The following MCM8 variants were observed in gnomAD, a reference collection of about 807,000 sequenced individuals.
MCM8 encodes DNA helicase MCM8.
Under a neutral mutation model 98.9 loss-of-function variants are expected in MCM8, and 85 were observed. The ratio of observed to expected loss-of-function variants is 0.86; its 90% CI spans 0.72 to 1.03. The LOEUF (loss-of-function observed/expected upper bound fraction) is 1.03, where lower values mean the gene tolerates loss of function less well. Among genes scored for constraint, MCM8 ranks in the 50% least tolerant of loss-of-function variants. The probability of loss-of-function intolerance (pLI) is 0.00; values close to 1 mark genes in which losing one functional copy is unlikely to be tolerated. For synonymous variants in MCM8, 352 were observed against 338.6 expected, an observed-to-expected ratio of 1.04 and a Z score of -0.44; for missense variants, 951 against 997.8, an observed-to-expected ratio of 0.95 and a Z score of 0.63.
intron 12 of MCM8, among the ~76,000 whole-genome samples, chr20:5,977,532 G>A (rs536752486): frequency 6.6e-6 from 1 of 152,316 alleles, no homozygotes; most frequent in African/African-American, 2.4e-5. Context: ...ATTAAAATTG[G>A]TACTCATGTT....
chr20:5,974,987 A>G (rs1600279833), intron 12 of MCM8, among the ~76,000 whole-genome samples: 1 of 152,202 alleles, frequency 6.6e-6, no homozygotes, highest in African/African-American at 2.4e-5. Flanking sequence ...ATCTGGGTGC[A>G]GTGGCTTACG....
chr20:5,951,766 G>A (rs776962457), intron 1 of MCM8, among the ~76,000 whole-genome samples: 8 of 152,140 alleles, frequency 5.3e-5, no homozygotes, highest in South Asian at 4.1e-4. Context: ...ACCTGTGAGC[G>A]TCTAGTATAC....
intron 9 of MCM8, 116 bp from the exon 10 acceptor site, chr20:5,967,714 C>A: frequency 7.4e-7 from 1 of 1,359,592 alleles, no homozygotes; most frequent in Non-Finnish European, 1.0e-6. Context: ...ATGAAACATT[C>A]CCTTTTAAAA....
intron 7 of MCM8, among the ~76,000 whole-genome samples, chr20:5,960,045 C>G (rs2122681335): frequency 6.6e-6 from 1 of 152,238 alleles, no homozygotes; most frequent in African/African-American, 2.4e-5. Context: ...CAACTTAAAT[C>G]TTTGCTGGTA....
intron 7 of MCM8, among the ~76,000 whole-genome samples, 150 bp from the exon 8 acceptor site, chr20:5,963,120 TAGAA>T (rs1335886926): frequency 6.6e-6 from 1 of 152,198 alleles, no homozygotes; most frequent in East Asian, 1.9e-4. Flanking sequence ...CAGGAGGAAA[TAGAA>T]AGTCATTAAT....
At chr20:5,961,382 C>T (rs1321772670) in intron 7 of MCM8, among the ~76,000 whole-genome samples, 2 of 152,116 alleles carry the variant, frequency 1.3e-5, no homozygotes, top group Non-Finnish European at 2.9e-5. Context: ...AATTTTTGCT[C>T]ATGTGAAGGG....
intron 5 of MCM8, 28 bp downstream of exon 5, chr20:5,955,279 G>A: frequency 6.3e-7 from 1 of 1,599,184 alleles, no homozygotes; most frequent in Non-Finnish European, 8.5e-7. Flanking sequence ...GCATACTTTT[G>A]TCTAAACTTT....
At chr20:5,961,006 A>G (rs2089129551) in intron 7 of MCM8, among the ~76,000 whole-genome samples, 1 of 152,234 alleles carries the variant, frequency 6.6e-6, no homozygotes, top group Admixed American at 6.5e-5. Context: ...CATTGCTTCT[A>G]AGAATCCTAA....
At chr20:5,954,283 T>G (rs2088912810) in intron 3 of MCM8, among the ~76,000 whole-genome samples, 1 of 152,216 alleles carries the variant, frequency 6.6e-6, no homozygotes, top group Non-Finnish European at 1.5e-5. Flanking sequence ...GGCTTTGGCT[T>G]TATTATAATT....
intron 13 of MCM8, among the ~76,000 whole-genome samples, chr20:5,981,189 A>G (rs543680394): frequency 5.3e-5 from 8 of 152,304 alleles, no homozygotes; most frequent in South Asian, 2.1e-4. Context: ...CTTTGTTCCT[A>G]CCCCATCTCT....
chr20:5,988,354 T>G (rs1244243798), intron 17 of MCM8, among the ~76,000 whole-genome samples: 1 of 151,942 alleles, frequency 6.6e-6, no homozygotes, highest in Non-Finnish European at 1.5e-5. Flanking sequence ...CTCAGTTACT[T>G]GGGAGGCTGA....
chr20:5,974,910 A>G (rs1050601433), intron 12 of MCM8, among the ~76,000 whole-genome samples: 1 of 152,216 alleles, frequency 6.6e-6, no homozygotes, highest in Non-Finnish European at 1.5e-5. Flanking sequence ...ACCTCGCTAC[A>G]ATGTAGCCTG....
intron 13 of MCM8, among the ~76,000 whole-genome samples, chr20:5,980,561 G>C (rs1475545545): frequency 6.6e-6 from 1 of 152,106 alleles, no homozygotes; most frequent in Non-Finnish European, 1.5e-5. Context: ...ATGAAACCAT[G>C]CAACTTCATT....
intron 17 of MCM8, among the ~76,000 whole-genome samples, chr20:5,990,103 C>T (rs1042037646): frequency 2.8e-4 from 42 of 151,524 alleles, no homozygotes; most frequent in Non-Finnish European, 3.1e-4. Context: ...GACAGAGTCT[C>T]ACTCTGTCAT....
chr20:5,969,873 CA>C (rs977553797), intron 10 of MCM8, among the ~76,000 whole-genome samples: 1 of 152,188 alleles, frequency 6.6e-6, no homozygotes, highest in African/African-American at 2.4e-5. Flanking sequence ...ACCTGGTCGA[CA>C]ATCCAAACAT....
chr20:5,967,343 C>T (rs2089296252), intron 8 of MCM8, 93 bp from the exon 9 acceptor site: 2 of 1,105,584 alleles, frequency 1.8e-6, no homozygotes, highest in Non-Finnish European at 2.5e-6. Context: ...CTGCTTTTAT[C>T]TTCCTCAGCA....
intron 10 of MCM8, among the ~76,000 whole-genome samples, chr20:5,968,545 TAA>T (rs990615404): frequency 6.8e-6 from 1 of 146,646 alleles, no homozygotes. Context: ...ACTCTGTCTT[TAA>T]AAAAAAAAAA....
rs2122804687 is a variant in MCM8 at position 5,984,982 on chromosome 20, A to G, written c.1935A>G (p.Pro645=). 2 of 1,612,918 alleles carry G rather than the reference A, an allele frequency of 1.2e-6. No individual in the cohort carries two copies. The highest frequency in any genetic ancestry group is 2.2e-5 in the South Asian group (2 of 91,062). The change falls in exon 15 of 19, where the codon CCA becomes CCG. Residue 645 remains proline (P), a synonymous_variant. Coordinates refer to ENST00000610722, the MANE Select transcript of MCM8 (RefSeq NM_032485.6). The stretch of plus-strand genomic sequence containing the variant: ...TACTTGAAGTAGTTTCTGAGAAGCC[A>G]TTATCAGAAAGACTAAAGGTATAAA... ...TSVLEVVSEK[P]LSERLKVVPG...
At chr20:5,954,537 G>A (rs1361930918) in intron 3 of MCM8, 71 bp from the exon 4 acceptor site, 9 of 850,092 alleles carry the variant, frequency 1.1e-5, no homozygotes, top group Non-Finnish European at 1.2e-5. Context: ...ATATAGTGCT[G>A]CTTTTGTCTC....
Sources: allele counts gnomAD v4.1 joint callset (sites outside exome capture counted in the v4.1 genomes callset), GRCh38; gene constraint gnomAD v4.1.1; transcripts MANE v1.5; gene names NCBI Gene and HGNC (gene_info 2026-07-23, HGNC 2026-07-21).